ARFGEF1: variants seen among roughly 807,000 people sequenced by gnomAD.
The protein encoded by ARFGEF1 is ARF guanine nucleotide exchange factor 1.
Under a neutral mutation model 231.0 loss-of-function variants are expected in ARFGEF1, and 42 were observed. The observed-to-expected ratio is 0.18, with a 90% CI of 0.14 to 0.24. The LOEUF is 0.24. Ranked by LOEUF, ARFGEF1 falls within the 10% of genes least tolerant of loss-of-function variation. The pLI is 1.00. For missense variants in ARFGEF1, 1,345 were observed against 2,192.0 expected (o/e 0.61, Z 7.72); for synonymous variants, 710 against 732.3 (o/e 0.97, Z 0.49).
intron 32 of ARFGEF1, among the ~76,000 whole-genome samples, chr8:67,217,245 G>A (rs1302023346): frequency 3.3e-5 from 5 of 150,896 alleles, no homozygotes; most frequent in African/African-American, 1.2e-4. Flanking sequence ...CGGAGGTTGT[G>A]GTGAGCCGAG....
rs1187285334 is a variant in ARFGEF1, at chr8:67,253,467, T to C, written c.2682A>G (p.Thr894=). ...MKETKELTIP[T]KSSKQNVASE... Reference sequence around the variant, plus strand: ...GATACTTACTCTGTTTACTTGATTTTGTAGGGATTGTTAGTTCTTTTGTTT... The same window carrying C: ...GATACTTACTCTGTTTACTTGATTTCGTAGGGATTGTTAGTTCTTTTGTTT... The change falls in exon 18 of 39, where the codon ACA becomes ACG. Residue 894 remains threonine (T), a synonymous_variant. Transcript: ENST00000262215. 6.4e-7 allele frequency: 1 copy of C among 1,564,028 alleles called. No individual in the cohort carries two copies. Among genetic ancestry groups the C allele is most frequent in the Non-Finnish European group, 8.8e-7 (1 of 1,141,184 alleles).
At chr8:67,192,999 G>C (rs140303373), downstream of ARFGEF1, among the ~76,000 whole-genome samples, 46 of 152,262 alleles carry the variant, frequency 3.0e-4, 1 homozygote, top group African/African-American at 1.1e-3. Context: ...CCTTATCCTT[G>C]AGAGTCATCT....
chr8:67,233,014 C>A, intron 22 of ARFGEF1, 69 bp from the exon 23 acceptor site: 1 of 1,231,438 alleles, frequency 8.1e-7, no homozygotes, highest in Non-Finnish European at 1.2e-6. Flanking sequence ...TTAACAAGTT[C>A]TAAAACATAC....
At chr8:67,180,529 T>C (rs1302803025) in intron 5 of ARFGEF1, among the ~76,000 whole-genome samples, 3 of 152,120 alleles carry the variant, frequency 2.0e-5, no homozygotes, top group African/African-American at 7.2e-5. Flanking sequence ...GGTAGATACA[T>C]ACATGTAAAT....
chr8:67,177,600 A>C, intron 5 of ARFGEF1: 1 of 897,658 alleles, frequency 1.1e-6, no homozygotes. Flanking sequence ...GAGCTAGTCA[A>C]AAAAGATATT....
intron 9 of ARFGEF1, 23 bp from the exon 10 acceptor site, chr8:67,271,959 T>C (rs371224851): frequency 1.4e-4 from 208 of 1,483,244 alleles, no homozygotes; most frequent in Admixed American, 7.6e-4. Flanking sequence ...AAAGAAGGCA[T>C]AGTATATGAA....
intron 36 of ARFGEF1, among the ~76,000 whole-genome samples, chr8:67,202,248 ATTTC>A (rs933543378): frequency 3.3e-5 from 5 of 151,722 alleles, no homozygotes; most frequent in Admixed American, 6.6e-5. Flanking sequence ...TCATAATTAT[ATTTC>A]TTTCTTTTTT....
intron 29 of ARFGEF1, among the ~76,000 whole-genome samples, chr8:67,221,626 C>T (rs1839164584): frequency 6.6e-6 from 1 of 151,894 alleles, no homozygotes; most frequent in African/African-American, 2.4e-5. Flanking sequence ...AAAAAAGTTA[C>T]AGTAGGCTAT....
At chr8:67,266,261 T>C (rs901536847) in intron 13 of ARFGEF1, 54 bp from the exon 14 acceptor site, 16 of 1,411,630 alleles carry the variant, frequency 1.1e-5, no homozygotes, top group African/African-American at 4.3e-5. Flanking sequence ...AAAAAAAAAG[T>C]GTAAGGGCAA....
chr8:67,324,578 A>T (rs1246531909), intron 1 of ARFGEF1, among the ~76,000 whole-genome samples: 1 of 152,170 alleles, frequency 6.6e-6, no homozygotes, highest in Admixed American at 6.5e-5. Context: ...AGAACTTATC[A>T]ATTATTCTTC....
rs1311175808 is a variant in ARFGEF1 at position 67,343,506 on chromosome 8, G to C, written c.-219C>G. 10 of 1,241,924 alleles carry C rather than the reference G, an allele frequency of 8.1e-6. No individual in the cohort carries two copies. Among genetic ancestry groups the C allele is most frequent in the Non-Finnish European group, 1.0e-5 (10 of 988,140 alleles). The allele number at this position is 1,241,924 out of a possible 1,614,324, so 76.9% of individuals were successfully genotyped here. A position where few individuals can be genotyped will look rare whatever the true frequency, so the allele number is the denominator to read the frequency against. On this transcript the variant is annotated 5_prime_UTR_variant, in exon 1 of 39. Transcript: ENST00000262215. ...AGGTCCTCGCCGCCCCCAAGAAGCC[G>C]TACCTCGAGGGCCGCGCCCGTCGGG...
At chr8:67,220,084 G>GT (rs1275416883) in intron 29 of ARFGEF1, among the ~76,000 whole-genome samples, 1 of 152,218 alleles carries the variant, frequency 6.6e-6, no homozygotes, top group Non-Finnish European at 1.5e-5. Context: ...AGGGGTCTGT[G>GT]TTTATTTCTT....
At position 67,183,748 on chromosome 8, in the gene ARFGEF1, C is replaced by T. The variant is rs568510778; in HGVS notation, c.561-8176G>A. On this transcript the variant is annotated intron_variant, in intron 5 of 5. Transcript: ENST00000518789. Reference sequence around the variant, plus strand: ...AGAAGATACCAACAGAAAATCTAGACGACCTTGGATATGGTGATGACTTTT... The same window carrying T: ...AGAAGATACCAACAGAAAATCTAGATGACCTTGGATATGGTGATGACTTTT... Among the ~76,000 whole-genome samples, 10 of 150,632 alleles carry T rather than the reference C, an allele frequency of 6.6e-5. No homozygotes were observed. The East Asian group carries it at 9.7e-4, about 15-fold the overall frequency.
chr8:67,179,936 T>C, intron 5 of ARFGEF1: 2 of 1,440,706 alleles, frequency 1.4e-6, no homozygotes, highest in Non-Finnish European at 2.0e-6. Context: ...GGTGAGTATA[T>C]TTATTTTATT....
At chr8:67,257,983 TAA>T (rs1840515547) in intron 16 of ARFGEF1, 100 bp downstream of exon 16, 1 of 1,230,850 alleles carries the variant, frequency 8.1e-7, no homozygotes, top group African/African-American at 1.5e-5. Flanking sequence ...CTAAATTCTC[TAA>T]ACAGGGGATT....
At chr8:67,239,787 C>T (rs1446931050) in intron 20 of ARFGEF1, among the ~76,000 whole-genome samples, 1 of 152,012 alleles carries the variant, frequency 6.6e-6, no homozygotes, top group Non-Finnish European at 1.5e-5. Flanking sequence ...TGTTCTTAGG[C>T]TTAAGTTATG....
intron 6 of ARFGEF1, among the ~76,000 whole-genome samples, chr8:67,290,720 A>G (rs769232654): frequency 3.3e-5 from 5 of 152,210 alleles, no homozygotes; most frequent in Non-Finnish European, 7.3e-5. Context: ...TCTGCCCATT[A>G]TAAGCTCACA....
chr8:67,251,479 A>G, intron 18 of ARFGEF1, 29 bp from the exon 19 acceptor site: 1 of 1,540,428 alleles, frequency 6.5e-7, no homozygotes, highest in Non-Finnish European at 8.7e-7. Flanking sequence ...TCAGCATTTT[A>G]AATATAAAAC....
intron 38 of ARFGEF1, 177 bp from the exon 39 acceptor site, chr8:67,199,275 TACAA>T: frequency 1.7e-6 from 1 of 605,408 alleles, no homozygotes; most frequent in Non-Finnish European, 2.7e-6. Flanking sequence ...ACTCACTTCA[TACAA>T]ACACTATTCA....
Sources: gnomAD v4.1 joint callset for allele counts (sites outside exome capture counted in the v4.1 genomes callset) on GRCh38, gnomAD v4.1.1 for gene constraint, MANE v1.5 for transcripts, NCBI Gene and HGNC (gene_info 2026-07-23, HGNC 2026-07-21) for gene names.